The following ZNF385D variants were observed in gnomAD, a reference collection of about 807,000 sequenced individuals.
ZNF385D encodes the protein zinc finger protein 659.
In ZNF385D, 15 loss-of-function variants were observed where a neutral mutation model predicts 35.8. That is an observed-to-expected ratio of 0.42 (90% confidence interval 0.28 to 0.64). The LOEUF is 0.64. ZNF385D is among the 30% of genes least tolerant of loss of function. The pLI is 0.23. For missense variants in ZNF385D, 474 were observed against 494.6 expected (o/e 0.96, Z 0.39); for synonymous variants, 212 against 186.8 (o/e 1.13, Z -1.10).
At chr3:22,189,303 G>C (rs1375342015) in intron 2 of ZNF385D, among the ~76,000 whole-genome samples, 1 of 152,092 alleles carries the variant, frequency 6.6e-6, no homozygotes, top group Non-Finnish European at 1.5e-5. Flanking sequence ...GCATAGATAG[G>C]AACCATACAT....
At chr3:21,843,487 G>C (rs1695809166) in intron 3 of ZNF385D, among the ~76,000 whole-genome samples, 1 of 151,972 alleles carries the variant, frequency 6.6e-6, no homozygotes, top group South Asian at 2.1e-4. Context: ...ATCATGCTCT[G>C]TAGCCCAAGC....
chr3:22,173,186 A>G (rs1471586873), intron 2 of ZNF385D, among the ~76,000 whole-genome samples: 5 of 152,222 alleles, frequency 3.3e-5, no homozygotes, highest in Non-Finnish European at 7.3e-5. Flanking sequence ...GAAGTCTGAG[A>G]AATTGTTACA....
chr3:22,171,372 C>A (rs532193537), intron 2 of ZNF385D, among the ~76,000 whole-genome samples: 10 of 152,152 alleles, frequency 6.6e-5, no homozygotes, highest in Admixed American at 1.3e-4. Context: ...GGAGAATTTT[C>A]TTTCAAGCCT....
chr3:22,146,048 C>G lies in ZNF385D; in HGVS notation c.325+22769G>C, dbSNP rs563048901. Among the ~76,000 whole-genome samples, 4 of 152,208 alleles carry G rather than the reference C, an allele frequency of 2.6e-5. No homozygotes were observed. In the South Asian group the frequency reaches 8.3e-4, roughly 32 times the overall value. ...ATCTGCTGGACTGATGACCACAACA[C>G]ATCCGCAGGGCCCTGAAATGAAGCA... On this transcript the variant is annotated intron_variant, in intron 3 of 5. Transcript: ENST00000494108.
intron 2 of ZNF385D, among the ~76,000 whole-genome samples, chr3:22,248,721 T>A (rs2125325491): frequency 6.6e-6 from 1 of 152,266 alleles, no homozygotes; most frequent in South Asian, 2.1e-4. Flanking sequence ...CTGCAAATTT[T>A]TTTACCAAAC....
At chr3:21,660,597 G>T (rs1216954504) in intron 2 of ZNF385D, among the ~76,000 whole-genome samples, 2 of 152,118 alleles carry the variant, frequency 1.3e-5, no homozygotes, top group Non-Finnish European at 2.9e-5. Flanking sequence ...ATATGTTAGA[G>T]AAATAAAGAA....
In ZNF385D at chr3:22,311,746, C is replaced by T. The variant is rs147076772; in HGVS notation, c.106+60704G>A. Among the ~76,000 whole-genome samples, 668 of 152,108 alleles carry T rather than the reference C, an allele frequency of 4.4e-3. 3 individuals carry two copies. The highest frequency in any genetic ancestry group is 0.015 in the African/African-American group (633 of 41,508). ...CATCTCATGCTTTGCTCTCCTATTA[C>T]GACACAAATCTAGTACTTTTAAAAA... On this transcript the variant is annotated intron_variant, in intron 2 of 5. Transcript: ENST00000494108.
chr3:21,778,925 T>C (rs1325721722), intron 3 of ZNF385D, among the ~76,000 whole-genome samples: 1 of 151,974 alleles, frequency 6.6e-6, no homozygotes, highest in African/African-American at 2.4e-5. Flanking sequence ...TTAATATCCC[T>C]GCTTTTCTAA....
chr3:21,608,023 G>GTTTTTTTTTGGTTTTTTTTTTTTTTTTT (rs1553622610), intron 2 of ZNF385D, among the ~76,000 whole-genome samples: 8 of 120,220 alleles, frequency 6.7e-5, no homozygotes, highest in Admixed American at 1.8e-4. Flanking sequence ...TTTTTTTTTT[G>GTTTTTTTTTGGTTTTTTTTTTTTTTTTT]TTTTTTTTTT....
At chr3:21,684,409 CTCTCTCTCT>C (rs2067034165) in intron 1 of ZNF385D, among the ~76,000 whole-genome samples, 1 of 73,150 alleles carries the variant, frequency 1.4e-5, no homozygotes, top group Non-Finnish European at 2.9e-5. Context: ...TCTCTCCTCT[CTCTCTCTCT>C]CTCTCTCTCT....
chr3:22,008,360 C>CATTTTCATTTT (rs773952386), intron 3 of ZNF385D, among the ~76,000 whole-genome samples: 3 of 131,938 alleles, frequency 2.3e-5, no homozygotes, highest in African/African-American at 9.1e-5. Flanking sequence ...CCATGATTTT[C>CATTTTCATTTT]TTTTTTTTTT....
At chr3:22,239,127 TATG>T (rs1699349952) in intron 2 of ZNF385D, among the ~76,000 whole-genome samples, 1 of 151,058 alleles carries the variant, frequency 6.6e-6, no homozygotes, top group Non-Finnish European at 1.5e-5. Context: ...GACAAAAATA[TATG>T]ATAACACGAA....
intron 3 of ZNF385D, among the ~76,000 whole-genome samples, chr3:22,026,254 G>C (rs777412735): frequency 6.6e-6 from 1 of 152,122 alleles, no homozygotes; most frequent in Non-Finnish European, 1.5e-5. Flanking sequence ...TTCAAGACTT[G>C]ACCCAGTTTA....
chr3:21,736,612 A>G (rs2069253276), intron 1 of ZNF385D, among the ~76,000 whole-genome samples: 1 of 152,222 alleles, frequency 6.6e-6, no homozygotes, highest in Non-Finnish European at 1.5e-5. Context: ...CCCCATTTGT[A>G]AAGCACAGGA....
intron 2 of ZNF385D, among the ~76,000 whole-genome samples, chr3:22,311,054 G>A (rs1034803233): frequency 1.3e-5 from 2 of 151,794 alleles, no homozygotes; most frequent in African/African-American, 4.8e-5. Flanking sequence ...AATAAGGAAT[G>A]ACTAGAAGCA....
chr3:21,711,040 T>TA (rs2068084923), intron 1 of ZNF385D, among the ~76,000 whole-genome samples: 1 of 45,434 alleles, frequency 2.2e-5, no homozygotes, highest in Non-Finnish European at 4.6e-5. Flanking sequence ...CCTCTAAAAG[T>TA]TTTTTTTTTT....
At chr3:21,734,967 G>A (rs1031978440) in intron 1 of ZNF385D, among the ~76,000 whole-genome samples, 1 of 152,148 alleles carries the variant, frequency 6.6e-6, no homozygotes, top group Non-Finnish European at 1.5e-5. Flanking sequence ...TTTGGGACTC[G>A]TGTGGGCTGC....
intron 1 of ZNF385D, among the ~76,000 whole-genome samples, chr3:21,701,198 CAGAA>C: frequency 6.6e-6 from 1 of 152,202 alleles, no homozygotes; most frequent in South Asian, 2.1e-4. Flanking sequence ...AAAGACATAC[CAGAA>C]AGAGAGGTTT....
intron 3 of ZNF385D, among the ~76,000 whole-genome samples, chr3:21,977,186 G>A (rs1703683327): frequency 6.6e-6 from 1 of 152,156 alleles, no homozygotes; most frequent in Non-Finnish European, 1.5e-5. Flanking sequence ...GCACTGTGGG[G>A]CTGCTAGGGG....
Sources: allele counts gnomAD v4.1 joint callset (sites outside exome capture counted in the v4.1 genomes callset), GRCh38; gene constraint gnomAD v4.1.1; transcripts MANE v1.5; gene names NCBI Gene and HGNC (gene_info 2026-07-23, HGNC 2026-07-21).